CREB1: variants seen among roughly 807,000 people sequenced by gnomAD.
CREB1 encodes cAMP responsive element binding protein 1, also known as cyclic AMP-responsive element-binding protein 1.
CREB1 carries 2 observed loss-of-function variants against 42.0 expected under a neutral mutation model. That is an observed-to-expected ratio of 0.05 (90% CI 0.02 to 0.15). The LOEUF (loss-of-function observed/expected upper bound fraction) is 0.15. Among genes scored for constraint, CREB1 ranks in the 10% least tolerant of loss-of-function variants. CREB1 has a pLI of 1.00. For synonymous variants in CREB1, 123 were observed against 139.9 expected (o/e 0.88, Z 0.85); for missense variants, 199 against 388.9 (o/e 0.51, Z 4.11).
intron 1 of CREB1, among the ~76,000 whole-genome samples, chr2:207,530,898 G>T (rs1480779258): frequency 6.6e-6 from 1 of 151,210 alleles, no homozygotes; most frequent in Admixed American, 6.6e-5. Context: ...GCTGCTTTCT[G>T]CCCTGTGTTG....
chr2:207,599,772 T>C lies in CREB1; in HGVS notation c.*2714T>C, dbSNP rs1295122386. The C allele has an allele frequency of 5.1e-6, 1 of 196,354 alleles. No homozygotes were observed. The allele number at this position is 196,354 out of a possible 1,614,324, so 12.2% of individuals were successfully genotyped here. On this transcript the variant is annotated 3_prime_UTR_variant, in exon 8 of 8. Transcript: ENST00000353267. ...GAGAATCTTTATTAAGAAAATGACA[T>C]AATTTTTAAAAACCTTGTAGCCAAG...
chr2:207,582,910 C>CA (rs762922292), intron 7 of CREB1: 32 of 201,278 alleles, frequency 1.6e-4, no homozygotes, highest in African/African-American at 4.1e-4. Context: ...AACAAACAAA[C>CA]AAAAAAAAAT....
intron 7 of CREB1, 125 bp downstream of exon 7, chr2:207,577,780 T>A: frequency 1.8e-6 from 2 of 1,142,846 alleles, no homozygotes; most frequent in Non-Finnish European, 2.5e-6. Flanking sequence ...CCAGCAGAAT[T>A]AATGGATCTT....
chr2:207,553,472 A>G (rs1356665066), intron 1 of CREB1, among the ~76,000 whole-genome samples: 2 of 152,128 alleles, frequency 1.3e-5, no homozygotes, highest in Non-Finnish European at 2.9e-5. Context: ...TTAATCAGTT[A>G]TTATTTGATA....
rs2087317388 is a variant in CREB1 at position 207,602,808 on chromosome 2, G to T, written c.*5750G>T. 1 of 217,730 alleles carries T rather than the reference G, an allele frequency of 4.6e-6. No homozygotes were observed. Among genetic ancestry groups the T allele is most frequent in the South Asian group, 1.9e-4 (1 of 5,378 alleles). The allele number at this position is 217,730 out of a possible 1,614,324, so 13.5% of individuals were successfully genotyped here. ...TTTTTTGAGTATAGATTTATTAGGG[G>T]TGGCAAAGAAGAGTGCTAGTTAGCA... On this transcript the variant is annotated 3_prime_UTR_variant, in exon 8 of 8. Coordinates refer to ENST00000353267, the MANE Select transcript of CREB1 (RefSeq NM_004379.5).
chr2:207,555,630 A>G lies in CREB1; in HGVS notation c.-6A>G, dbSNP rs773236696. 1.8e-5 allele frequency: 28 copies of G among 1,590,374 alleles called. No homozygotes were observed. Among genetic ancestry groups the G allele is most frequent in the Non-Finnish European group, 2.2e-5 (25 of 1,159,358 alleles). On this transcript the variant is annotated splice_region_variant and 5_prime_UTR_variant, in exon 2 of 8. Coordinates refer to ENST00000353267, the MANE Select transcript of CREB1 (RefSeq NM_004379.5). Reference sequence around the variant, plus strand: ...AACACTCTTCCATATTATTATAGGTAACTAAATGACCATGGAATCTGGAGC... The same window carrying G: ...AACACTCTTCCATATTATTATAGGTGACTAAATGACCATGGAATCTGGAGC...
chr2:207,561,596 C>T (rs189980862), intron 3 of CREB1, among the ~76,000 whole-genome samples: 1 of 152,220 alleles, frequency 6.6e-6, no homozygotes, highest in East Asian at 1.9e-4. Flanking sequence ...CTTCCTCTTC[C>T]CCATCCCCCG....
Position 207,594,530 on chromosome 2 carries a change from C to T in CREB1, c.840-2384C>T, listed in dbSNP as rs776917831. Among the ~76,000 whole-genome samples, 5 of 152,116 alleles carry T rather than the reference C, an allele frequency of 3.3e-5. 1 individual carries two copies. Among genetic ancestry groups the T allele is most frequent in the African/African-American group, 4.8e-5 (2 of 41,422 alleles). On this transcript the variant is annotated intron_variant, in intron 7 of 7. Transcript: ENST00000353267. ...GCATAATGCCCTCAAGGTTCATCTA[C>T]GTTTTGGCATGCAGAGGGCCTTCCT... is the stretch of plus-strand genomic sequence containing the variant.
At chr2:207,554,158 TG>T (rs775654544) in intron 1 of CREB1, among the ~76,000 whole-genome samples, 8 of 152,362 alleles carry the variant, frequency 5.3e-5, no homozygotes, top group South Asian at 2.1e-4. Flanking sequence ...TCAAGTCTGT[TG>T]ATCTTTTTCC....
At chr2:207,552,573 A>AG (rs1324667713) in intron 1 of CREB1, among the ~76,000 whole-genome samples, 1 of 151,804 alleles carries the variant, frequency 6.6e-6, no homozygotes, top group Admixed American at 6.6e-5. Flanking sequence ...GATGGTTTAC[A>AG]GGGGGAGAAA....
chr2:207,539,207 A>ATTTTTTTTTTTTTTTTTTT (rs528614868), intron 1 of CREB1, among the ~76,000 whole-genome samples: 1 of 132,976 alleles, frequency 7.5e-6, no homozygotes, highest in African/African-American at 2.8e-5. Flanking sequence ...TACCTGGCTA[A>ATTTTTTTTTTTTTTTTTTT]TTTTTTTTTT....
At chr2:207,567,614 T>C in intron 4 of CREB1, 51 bp downstream of exon 4, 2 of 1,331,342 alleles carry the variant, frequency 1.5e-6, no homozygotes, top group East Asian at 2.3e-5. Flanking sequence ...TCTTAGGTAG[T>C]TGCAGATAAA....
intron 7 of CREB1, chr2:207,582,247 G>A: frequency 1.4e-6 from 1 of 695,882 alleles, no homozygotes; most frequent in Middle Eastern, 2.4e-4. Context: ...GTACTTGGAG[G>A]CTATGCAGAT....
rs1175956568 is a variant in CREB1, at chr2:207,570,406, C to T, written c.505+85C>T. The T allele has an allele frequency of 7.7e-6, 10 of 1,300,884 alleles. No homozygotes were observed. The East Asian group carries it at 2.0e-4, about 25-fold the overall frequency. 80.6% of individuals were successfully genotyped at this position (1,300,884 alleles called of 1,614,324 possible). ...AATAGTTGCATTCTCTTCAGAGAAA[C>T]CAATACAAGTGCCAAGTCTTCTCAG... On this transcript the variant is annotated intron_variant, in intron 5 of 7. Transcript: ENST00000353267.
At chr2:207,562,307 TC>T (rs2081985441) in intron 3 of CREB1, among the ~76,000 whole-genome samples, 1 of 152,196 alleles carries the variant, frequency 6.6e-6, no homozygotes, top group Admixed American at 6.5e-5. Flanking sequence ...AGAAGATCTT[TC>T]TATAAAGAAC....
chr2:207,571,983 C>T (rs937754230), intron 5 of CREB1, among the ~76,000 whole-genome samples: 30 of 152,120 alleles, frequency 2.0e-4, no homozygotes, highest in Non-Finnish European at 3.7e-4. Flanking sequence ...AATCCCAGCA[C>T]GCTGGGAGGC....
intron 6 of CREB1, 62 bp downstream of exon 6, chr2:207,575,516 T>A: frequency 7.1e-7 from 1 of 1,415,358 alleles, no homozygotes; most frequent in South Asian, 1.5e-5. Context: ...TTTTATAAAC[T>A]CACAGAAAAA....
chr2:207,534,878 C>A (rs944121745), intron 1 of CREB1, among the ~76,000 whole-genome samples: 4 of 152,154 alleles, frequency 2.6e-5, no homozygotes, highest in Admixed American at 2.6e-4. Flanking sequence ...TGTACAGTCT[C>A]CCCCTTTTTG....
chr2:207,549,442 T>G lies in CREB1; in HGVS notation c.-8-6186T>G, dbSNP rs1333874818. Among the ~76,000 whole-genome samples the G allele has an allele frequency of 6.1e-5, 9 of 148,524 alleles. 1 individual carries two copies. The South Asian group carries it at 1.9e-3, about 31-fold the overall frequency. The stretch of plus-strand genomic sequence containing the variant: ...CCCTCCCCCGCTTAAAAAAAAAAGG[T>G]GCAGGAAAAAAAGTAGGGGAAAACA... On this transcript the variant is annotated intron_variant, in intron 1 of 7. Coordinates refer to ENST00000353267, the MANE Select transcript of CREB1 (RefSeq NM_004379.5).
Sources: gnomAD v4.1 joint callset for allele counts (sites outside exome capture counted in the v4.1 genomes callset) on GRCh38, gnomAD v4.1.1 for gene constraint, MANE v1.5 for transcripts, NCBI Gene and HGNC (gene_info 2026-07-23, HGNC 2026-07-21) for gene names.